The following CD2AP variants were observed in gnomAD, a reference collection of about 807,000 sequenced individuals.
CD2AP encodes the protein CD2-associated protein.
In CD2AP, 46 loss-of-function variants were observed where a neutral mutation model predicts 85.1. The ratio of observed to expected loss-of-function variants is 0.54; its 90% confidence interval spans 0.43 to 0.69. The LOEUF is 0.69. Among genes scored for constraint, CD2AP ranks in the 30% least tolerant of loss-of-function variants. The pLI is 0.00. For synonymous variants in CD2AP, 255 were observed against 252.9 expected (o/e 1.01, Z -0.08); for missense variants, 769 against 729.5 (o/e 1.05, Z -0.62).
chr6:47,541,739 T>C (rs1767221562), intron 3 of CD2AP, among the ~76,000 whole-genome samples: 2 of 152,242 alleles, frequency 1.3e-5, no homozygotes, highest in African/African-American at 4.8e-5. Context: ...TGTAATTTTA[T>C]GGCCCAGGAA....
At chr6:47,532,586 T>C (rs1766917695) in intron 2 of CD2AP, among the ~76,000 whole-genome samples, 1 of 152,162 alleles carries the variant, frequency 6.6e-6, no homozygotes, top group Non-Finnish European at 1.5e-5. Context: ...TGTCTGTTTA[T>C]GGATTTCCTA....
At chr6:47,548,581 A>G (rs1426753762) in intron 4 of CD2AP, among the ~76,000 whole-genome samples, 1 of 152,166 alleles carries the variant, frequency 6.6e-6, no homozygotes, top group Non-Finnish European at 1.5e-5. Flanking sequence ...AACAACAACA[A>G]AAAAGATCCA....
chr6:47,502,146 TGTCA>T (rs979005217), intron 1 of CD2AP, among the ~76,000 whole-genome samples: 1 of 152,170 alleles, frequency 6.6e-6, no homozygotes, highest in Non-Finnish European at 1.5e-5. Flanking sequence ...AGTTTCCTGA[TGTCA>T]GTCAGAGACC....
intron 1 of CD2AP, among the ~76,000 whole-genome samples, chr6:47,494,458 G>C (rs922381355): frequency 6.6e-6 from 1 of 152,132 alleles, no homozygotes; most frequent in African/African-American, 2.4e-5. Flanking sequence ...TTAGTGGATC[G>C]ATGTCCTGGA....
intron 2 of CD2AP, among the ~76,000 whole-genome samples, chr6:47,505,694 C>T (rs1352741641): frequency 2.6e-5 from 2 of 76,728 alleles, no homozygotes; most frequent in East Asian, 5.8e-4. Context: ...CATCTCCCTC[C>T]CGGACGGGGT....
intron 11 of CD2AP, among the ~76,000 whole-genome samples, chr6:47,593,727 G>C (rs1168859936): frequency 6.6e-6 from 1 of 152,064 alleles, no homozygotes; most frequent in Non-Finnish European, 1.5e-5. Flanking sequence ...AAATGTTTTA[G>C]CTACTATGAA....
chr6:47,530,259 T>G (rs1484879939), intron 2 of CD2AP, among the ~76,000 whole-genome samples: 1 of 152,186 alleles, frequency 6.6e-6, no homozygotes, highest in Non-Finnish European at 1.5e-5. Context: ...AATGTAAAAT[T>G]CAGTAAGTTT....
At position 47,609,112 on chromosome 6, in the gene CD2AP, T is replaced by C; in HGVS notation, c.1633-11T>C. 1 of 1,583,654 alleles carries C rather than the reference T, an allele frequency of 6.3e-7. No homozygotes were observed. On this transcript the variant is annotated splice_polypyrimidine_tract_variant and intron_variant, in intron 15 of 17. Coordinates refer to ENST00000359314, the MANE Select transcript of CD2AP (RefSeq NM_012120.3). The stretch of plus-strand genomic sequence containing the variant: ...TAAATAAAATCAGAAATTTTTTTTT[T>C]ACGTTTTCAGCCATCTGTGTACCTT...
chr6:47,556,167 A>G (rs1320718031), intron 5 of CD2AP, among the ~76,000 whole-genome samples: 1 of 150,488 alleles, frequency 6.6e-6, no homozygotes, highest in Non-Finnish European at 1.5e-5. Flanking sequence ...TCAACCCGTC[A>G]TCTACATTAG....
At chr6:47,608,451 C>T (rs148922365) in intron 15 of CD2AP, among the ~76,000 whole-genome samples, 2,277 of 152,154 alleles carry the variant, frequency 0.015, 219 homozygotes, top group Admixed American at 0.14. Context: ...TGTTAGGTGT[C>T]TTGTCAAAAT....
In CD2AP at chr6:47,579,478, A is replaced by G. The variant is rs769681987; in HGVS notation, c.997A>G (p.Lys333Glu). The stretch of plus-strand genomic sequence containing the variant: ...TGCTGTCCAGATAAATGAACTTGAT[A>G]AAGACTTTCCAGTAAGCTTTTGTTT... ...NFAVQINELD[K>E]DFPKPKKPPP... The change falls in exon 9 of 18, where the codon AAA becomes GAA. Residue 333 changes from lysine to glutamate, a missense_variant. Lys to Glu is a moderately conservative substitution (Grantham distance 56, BLOSUM62 1). Transcript: ENST00000359314. The G allele has an allele frequency of 1.1e-5, 17 of 1,590,910 alleles. No individual in the cohort carries two copies. The South Asian group carries it at 1.5e-4, about 14-fold the overall frequency.
chr6:47,615,892 A>T (rs1352018851), intron 17 of CD2AP, among the ~76,000 whole-genome samples: 1 of 150,252 alleles, frequency 6.7e-6, no homozygotes. Flanking sequence ...CCGTTCTCCC[A>T]CCTCGGTCTC....
intron 3 of CD2AP, among the ~76,000 whole-genome samples, chr6:47,534,985 T>A (rs1378232119): frequency 6.6e-6 from 1 of 152,054 alleles, no homozygotes. Context: ...TTTGAAGAGA[T>A]GGGGTTTTGC....
intron 17 of CD2AP, among the ~76,000 whole-genome samples, chr6:47,620,078 A>G (rs1769704972): frequency 6.6e-6 from 1 of 152,002 alleles, no homozygotes; most frequent in African/African-American, 2.4e-5. Context: ...GGTCTCAGCT[A>G]TTTATCTTTG....
At chr6:47,478,312 TTTCTCGGCC>T in intron 1 of CD2AP, 64 bp downstream of exon 1, 1 of 1,550,192 alleles carries the variant, frequency 6.5e-7, no homozygotes, top group South Asian at 1.2e-5. Flanking sequence ...GGCTGTGCCC[TTTCTCGGCC>T]TTCTGGGGAG....
intron 16 of CD2AP, among the ~76,000 whole-genome samples, chr6:47,611,724 C>A (rs928383706): frequency 4.6e-5 from 7 of 151,806 alleles, no homozygotes; most frequent in Non-Finnish European, 8.8e-5. Context: ...CTAACATATT[C>A]CTCCCATTCC....
At chr6:47,480,727 A>C (rs1765420977) in intron 1 of CD2AP, among the ~76,000 whole-genome samples, 1 of 150,976 alleles carries the variant, frequency 6.6e-6, no homozygotes, top group Non-Finnish European at 1.5e-5. Context: ...TCTTGTACCA[A>C]CTTGGGAAAA....
intron 5 of CD2AP, among the ~76,000 whole-genome samples, chr6:47,555,096 C>T (rs542069113): frequency 5.3e-5 from 8 of 152,166 alleles, no homozygotes; most frequent in African/African-American, 1.9e-4. Flanking sequence ...TTGCAAATGG[C>T]CTGTTTAATA....
At chr6:47,556,462 C>G (rs1445098556) in intron 5 of CD2AP, among the ~76,000 whole-genome samples, 3 of 151,962 alleles carry the variant, frequency 2.0e-5, no homozygotes, top group African/African-American at 7.2e-5. Context: ...ATTCTCCTGC[C>G]TCAGCCTCCC....
Sources: gnomAD v4.1 joint callset for allele counts (sites outside exome capture counted in the v4.1 genomes callset) on GRCh38, gnomAD v4.1.1 for gene constraint, MANE v1.5 for transcripts, NCBI Gene and HGNC (gene_info 2026-07-23, HGNC 2026-07-21) for gene names.